Variants in TTLL4 observed in about 807,000 individuals in gnomAD.
The protein encoded by TTLL4 is tubulin tyrosine ligase like 4, also known as tubulin monoglutamylase TTLL4.
A neutral mutation model predicts 122.7 loss-of-function variants in TTLL4; 85 were observed. The ratio of observed to expected loss-of-function variants is 0.69; its 90% CI spans 0.58 to 0.83. TTLL4 has a LOEUF of 0.83. Among genes scored for constraint, TTLL4 ranks in the 40% least tolerant of loss-of-function variants. The probability of loss-of-function intolerance (pLI) is 0.00; values close to 1 mark genes in which losing one functional copy is unlikely to be tolerated. For synonymous variants in TTLL4, 553 were observed against 563.0 expected (o/e 0.98, Z 0.25); for missense variants, 1,363 against 1,488.6 (o/e 0.92, Z 1.39).
At chr2:218,717,040 G>A (rs942316804) in intron 1 of TTLL4, among the ~76,000 whole-genome samples, 2 of 151,830 alleles carry the variant, frequency 1.3e-5, no homozygotes, top group Non-Finnish European at 2.9e-5. Flanking sequence ...GGAGTGCAGT[G>A]GCATGATCAT....
chr2:218,738,763 T>C lies in TTLL4; in HGVS notation c.1087T>C (p.Phe363Leu). 1.2e-6 allele frequency: 2 copies of C among 1,614,190 alleles called. No individual in the cohort carries two copies. Among genetic ancestry groups the C allele is most frequent in the Non-Finnish European group, 1.7e-6 (2 of 1,180,022 alleles). Reference protein sequence around the residue: ...RQGCQLEQSSFLNPSFQWNVL... With the variant: ...RQGCQLEQSSLLNPSFQWNVL... ...AGGCTGCCAGCTTGAACAGTCTAGTTTCCTGAACCCCAGCTTCCAGTGGAA... is the reference window on the plus strand; with the variant it reads ...AGGCTGCCAGCTTGAACAGTCTAGTCTCCTGAACCCCAGCTTCCAGTGGAA... Residue 363 changes from phenylalanine to leucine, a missense_variant, in exon 3 of 20, where the codon TTC (phenylalanine) becomes CTC (leucine). By Grantham distance (22) the Phe-to-Leu change is conservative (BLOSUM62 0). This residue lies in a region of TTLL4 where 760 missense variants were observed against 808.4 expected (regional missense o/e 0.94). Transcript: ENST00000392102.
intron 2 of TTLL4, among the ~76,000 whole-genome samples, chr2:218,729,693 C>T (rs910617852): frequency 5.6e-5 from 8 of 143,398 alleles, no homozygotes; most frequent in Non-Finnish European, 7.5e-5. Context: ...GTTATTAGTT[C>T]TAGTAGGATT....
chr2:218,747,332 TG>T lies in TTLL4; in HGVS notation c.2211del (p.Trp737Ter), dbSNP rs1248731067. The T allele has an allele frequency of 1.9e-6, 3 of 1,614,178 alleles. No individual in the cohort carries two copies. The highest frequency in any genetic ancestry group is 2.5e-6 in the Non-Finnish European group (3 of 1,180,044). On this transcript the variant is annotated frameshift_variant, in exon 10 of 20. Coordinates refer to ENST00000392102, the MANE Select transcript of TTLL4 (RefSeq NM_014640.5). LOFTEE classifies it high-confidence loss of function. The surrounding 1 kb of genome is among the most constrained non-coding windows in gnomAD (Gnocchi z 4.7). The stretch of plus-strand genomic sequence containing the variant: ...CATTGGCATCCAGGTTATTCACAAG[TG>T]GAGTCAGCTCCCCAAGCGAAGGCCC... Reference protein sequence around the residue: ...RGIGIQVIHKWSQLPKRRPLL... With the variant: ...RGIGIQVIHKXSQLPKRRPLL...
intron 2 of TTLL4, among the ~76,000 whole-genome samples, chr2:218,733,490 A>G (rs1942435403): frequency 6.6e-6 from 1 of 152,198 alleles, no homozygotes; most frequent in Non-Finnish European, 1.5e-5. Context: ...ATCCGCCTCC[A>G]TGATCCAGTC....
intron 1 of TTLL4, among the ~76,000 whole-genome samples, chr2:218,718,367 G>T (rs573984453): frequency 2.6e-5 from 4 of 152,042 alleles, no homozygotes; most frequent in Middle Eastern, 3.4e-3. Flanking sequence ...AGCAGCAATA[G>T]ATTTTCTTTT....
At chr2:218,739,420 G>T (rs781329142) in intron 3 of TTLL4, among the ~76,000 whole-genome samples, 9 of 152,184 alleles carry the variant, frequency 5.9e-5, no homozygotes, top group Non-Finnish European at 1.3e-4. Context: ...CTGCTTTCTT[G>T]TTACGATGGT....
chr2:218,752,089 G>A (rs1032082878), intron 16 of TTLL4, among the ~76,000 whole-genome samples: 2 of 151,948 alleles, frequency 1.3e-5, no homozygotes, highest in Non-Finnish European at 2.9e-5. Flanking sequence ...ATATTTTTTA[G>A]TAGAGATGGG....
intron 5 of TTLL4, among the ~76,000 whole-genome samples, 159 bp downstream of exon 5, chr2:218,740,743 G>T (rs958431597): frequency 6.6e-6 from 1 of 152,080 alleles, no homozygotes; most frequent in South Asian, 2.1e-4. Flanking sequence ...AGGGAGTAAT[G>T]GGGGGCCAGA....
At chr2:218,755,937 A>G (rs1364755621), downstream of TTLL4, among the ~76,000 whole-genome samples, 1 of 152,148 alleles carries the variant, frequency 6.6e-6, no homozygotes, top group Non-Finnish European at 1.5e-5. Context: ...CAGTTGTGAA[A>G]GTTTGGTGAC....
chr2:218,739,486 T>C (rs1942639538), intron 3 of TTLL4, among the ~76,000 whole-genome samples: 1 of 152,258 alleles, frequency 6.6e-6, no homozygotes, highest in Non-Finnish European at 1.5e-5. Flanking sequence ...ATTTACTCTC[T>C]GGTCCTTTAG....
downstream of TTLL4, among the ~76,000 whole-genome samples, chr2:218,757,900 CTGT>C (rs1241937020): frequency 6.6e-6 from 1 of 152,210 alleles, no homozygotes; most frequent in Non-Finnish European, 1.5e-5. Flanking sequence ...TTACCTGTGA[CTGT>C]TGTTCGAATC....
Position 218,746,998 on chromosome 2 carries a change from TG to T in TTLL4, c.1975-4del. ...TTCCTGCACTCACCCTTTTCCCTTT[TG>T]TAGCTAAACCATTTCCCAGGCTCAT... On this transcript the variant is annotated splice_polypyrimidine_tract_variant and splice_region_variant and intron_variant, in intron 8 of 19. Coordinates refer to ENST00000392102, the MANE Select transcript of TTLL4 (RefSeq NM_014640.5). The T allele has an allele frequency of 6.2e-7, 1 of 1,613,816 alleles. No homozygotes were observed. The highest frequency in any genetic ancestry group is 8.5e-7 in the Non-Finnish European group (1 of 1,179,786).
rs530693896 is a variant in TTLL4, at chr2:218,737,652, C to T, written c.-25C>T. 1.4e-4 allele frequency: 217 copies of T among 1,551,874 alleles called. 1 individual carries two copies. The South Asian group carries it at 1.6e-3, about 11-fold the overall frequency. On this transcript the variant is annotated 5_prime_UTR_variant, in exon 3 of 20. Coordinates refer to ENST00000392102, the MANE Select transcript of TTLL4 (RefSeq NM_014640.5). The stretch of plus-strand genomic sequence containing the variant: ...CCTTACCTCAGCAAGGCCATGAGAC[C>T]GTGTGGCCATGATGTGGGCCCCTCA...
chr2:218,720,049 C>T (rs1366981518), intron 1 of TTLL4, among the ~76,000 whole-genome samples: 1 of 152,056 alleles, frequency 6.6e-6, no homozygotes, highest in East Asian at 1.9e-4. Flanking sequence ...CTTAGTTTTC[C>T]TCTTAGGTGA....
chr2:218,723,419 G>GTATGT (rs1344518997), intron 1 of TTLL4, among the ~76,000 whole-genome samples: 2 of 152,196 alleles, frequency 1.3e-5, no homozygotes, highest in African/African-American at 4.8e-5. Context: ...CTACCAGCTT[G>GTATGT]TATGTTGATG....
Position 218,737,621 on chromosome 2 carries a change from G to A in TTLL4, c.-56G>A, listed in dbSNP as rs757050930. The A allele has an allele frequency of 1.0e-4, 159 of 1,521,828 alleles. No homozygotes were observed. The highest frequency in any genetic ancestry group is 1.4e-4 in the Non-Finnish European group (156 of 1,135,526). 94.3% of individuals were successfully genotyped at this position (1,521,828 alleles called of 1,614,324 possible). On this transcript the variant is annotated 5_prime_UTR_variant, in exon 3 of 20. It adds an upstream start codon to the 5' untranslated region. Transcript: ENST00000392102. ...ATGCAGCTGCTACTACCGGAGGTGT[G>A]TGGCACCTTACCTCAGCAAGGCCAT...
intron 16 of TTLL4, 98 bp downstream of exon 16, chr2:218,751,904 C>T (rs6734613): frequency 5.0e-4 from 266 of 528,846 alleles, no homozygotes; most frequent in Non-Finnish European, 5.8e-4. Context: ...TTTTTCTTTT[C>T]TTTTTCTTTT....
chr2:218,749,395 G>A lies in TTLL4; in HGVS notation c.2735+8G>A. 1.2e-6 allele frequency: 2 copies of A among 1,613,888 alleles called. No homozygotes were observed. The highest frequency in any genetic ancestry group is 1.7e-6 in the Non-Finnish European group (2 of 1,179,968). On this transcript the variant is annotated splice_region_variant and intron_variant, in intron 14 of 19. Coordinates refer to ENST00000392102, the MANE Select transcript of TTLL4 (RefSeq NM_014640.5). Reference sequence around the variant, plus strand: ...AGTCAACATTTCCCCAAGGTAGGTGGTATTCTCAGGACACTCACCATAGAA... The same window carrying A: ...AGTCAACATTTCCCCAAGGTAGGTGATATTCTCAGGACACTCACCATAGAA...
intron 5 of TTLL4, among the ~76,000 whole-genome samples, chr2:218,743,658 G>T (rs915935942): frequency 6.6e-6 from 1 of 151,792 alleles, no homozygotes; most frequent in Non-Finnish European, 1.5e-5. Flanking sequence ...ACCATTTTAC[G>T]TTTCTATCTT....
Sources: allele counts gnomAD v4.1 joint callset (sites outside exome capture counted in the v4.1 genomes callset), GRCh38; gene constraint gnomAD v4.1.1; regional missense constraint gnomAD v4.1.1; non-coding constraint Gnocchi (gnomAD v3.1); transcripts MANE v1.5; gene names NCBI Gene and HGNC (gene_info 2026-07-23, HGNC 2026-07-21).